KIF1A: variants seen among roughly 807,000 people sequenced by gnomAD.
The protein encoded by KIF1A is kinesin-like protein KIF1A.
A neutral mutation model predicts 227.3 loss-of-function variants in KIF1A; 46 were observed. The ratio of observed to expected loss-of-function variants is 0.20; its 90% CI spans 0.16 to 0.26. The LOEUF (loss-of-function observed/expected upper bound fraction) is 0.26. KIF1A is among the 10% of genes least tolerant of loss of function. The pLI is 1.00. For synonymous variants in KIF1A, 1,022 were observed against 1,012.8 expected (o/e 1.01, Z -0.17); for missense variants, 1,683 against 2,485.9 (o/e 0.68, Z 6.87).
chr2:240,769,565 C>A (rs909904677), intron 16 of KIF1A, 62 bp downstream of exon 16: 63 of 1,420,390 alleles, frequency 4.4e-5, no homozygotes, highest in Non-Finnish European at 5.3e-5. Flanking sequence ...GCTCATCCTG[C>A]CCAGGCTCCG....
At chr2:240,765,526 G>A (rs924370619) in intron 20 of KIF1A, among the ~76,000 whole-genome samples, 184 bp downstream of exon 20, 4 of 152,256 alleles carry the variant, frequency 2.6e-5, no homozygotes, top group Non-Finnish European at 4.4e-5. Flanking sequence ...TGTTCCTGGA[G>A]TTGGGGGACT....
chr2:240,766,745 T>TCACA lies in KIF1A; in HGVS notation c.1684+169_1684+170insTGTG, dbSNP rs1263248431. Reference sequence around the variant, plus strand: ...AAATCTCTCTCTCTCTCTCTCTCTCTCTCTCACACACACACACACACACAC... The same window carrying TCACA: ...AAATCTCTCTCTCTCTCTCTCTCTCTCACACTCTCACACACACACACACACACAC... On this transcript the variant is annotated intron_variant, in intron 19 of 48. Coordinates refer to ENST00000498729, the MANE Select transcript of KIF1A (RefSeq NM_001244008.2). This position sits in a 1 kb window ranked among gnomAD's most constrained non-coding sequence, Gnocchi z 5.0. Among the ~76,000 whole-genome samples, 856 of 126,954 alleles carry TCACA rather than the reference T, an allele frequency of 6.7e-3. 7 individuals carry two copies. The highest frequency in any genetic ancestry group is 9.3e-3 in the Non-Finnish European group (582 of 62,744). 83.3% of individuals were successfully genotyped at this position (126,954 alleles called of 152,430 possible).
intron 28 of KIF1A, chr2:240,748,654 A>C (rs2048872220): frequency 3.3e-6 from 1 of 301,710 alleles, no homozygotes; most frequent in African/African-American, 2.3e-5. Context: ...CAGCCCTGGT[A>C]AACACCCCAC....
intron 1 of KIF1A, chr2:240,798,044 A>C: frequency 3.1e-6 from 1 of 323,062 alleles, no homozygotes. Context: ...CTGAAACCCA[A>C]CAAAAGAAAC....
intron 1 of KIF1A, among the ~76,000 whole-genome samples, chr2:240,807,096 G>A (rs1432979083): frequency 5.3e-5 from 5 of 94,844 alleles, no homozygotes; most frequent in African/African-American, 1.5e-4. Flanking sequence ...GTGTGTGTGT[G>A]TGTGTGTGTG....
chr2:240,807,084 G>GTA (rs2057467611), intron 1 of KIF1A, among the ~76,000 whole-genome samples: 1 of 115,862 alleles, frequency 8.6e-6, no homozygotes, highest in South Asian at 3.1e-4. Flanking sequence ...ATATATGTGT[G>GTA]TGTGTGTGTG....
At chr2:240,732,085 G>A (rs2046728567) in intron 38 of KIF1A, among the ~76,000 whole-genome samples, 1 of 85,898 alleles carries the variant, frequency 1.2e-5, no homozygotes, top group Non-Finnish European at 2.4e-5. Flanking sequence ...GAGGAAGAGG[G>A]GAGGAGGGGA....
rs1164460501 is a variant in KIF1A at position 240,789,627 on chromosome 2, C to T, written c.107-315G>A. Among the ~76,000 whole-genome samples, 1 of 152,206 alleles carries T rather than the reference C, an allele frequency of 6.6e-6. No homozygotes were observed. The highest frequency in any genetic ancestry group is 1.5e-5 in the Non-Finnish European group (1 of 68,018). On this transcript the variant is annotated intron_variant, in intron 2 of 48. Coordinates refer to ENST00000498729, the MANE Select transcript of KIF1A (RefSeq NM_001244008.2). This position sits in a 1 kb window ranked among gnomAD's most constrained non-coding sequence, Gnocchi z 4.8. ...ACCCGGGGAGGATCCTTCCCACCTGCAAGCTGCGGCCCCTCCATCTCTGGT... is the reference window on the plus strand; with the variant it reads ...ACCCGGGGAGGATCCTTCCCACCTGTAAGCTGCGGCCCCTCCATCTCTGGT...
At position 240,789,207 on chromosome 2, in the gene KIF1A, G is replaced by T; in HGVS notation, c.183+29C>A. ...ACATGGCCTATGCACTGCTGCCCCC[G>T]CCTCCCCCGACCCGGGGTCCCGGCT... On this transcript the variant is annotated intron_variant, in intron 3 of 48. Transcript: ENST00000498729. The surrounding 1 kb of genome is among the most constrained non-coding windows in gnomAD (Gnocchi z 4.8). 1.3e-6 allele frequency: 2 copies of T among 1,591,196 alleles called. No individual in the cohort carries two copies. Among genetic ancestry groups the T allele is most frequent in the Non-Finnish European group, 1.7e-6 (2 of 1,159,360 alleles).
rs1385607743 is a variant in KIF1A at position 240,717,065 on chromosome 2, T to TA, written c.*298dup. The TA allele has an allele frequency of 4.8e-6, 2 of 420,696 alleles. No individual in the cohort carries two copies. The highest frequency in any genetic ancestry group is 8.5e-6 in the Non-Finnish European group (2 of 235,448). The allele number at this position is 420,696 out of a possible 1,614,324, so 26.1% of individuals were successfully genotyped here. A position where few individuals can be genotyped will look rare whatever the true frequency, so the allele number is the denominator to read the frequency against. ...TATTAATTATAAGTCTGTCTATGCT[T>TA]AAAAAAATATTAGAACGGCAGCAAG... On this transcript the variant is annotated 3_prime_UTR_variant, in exon 49 of 49. Transcript: ENST00000498729.
rs748888481 is a variant in KIF1A at position 240,752,438 on chromosome 2, G to A, written c.2859-1891C>T. Among the ~76,000 whole-genome samples the A allele has an allele frequency of 9.2e-5, 14 of 152,084 alleles. No individual in the cohort carries two copies. Among genetic ancestry groups the A allele is most frequent in the Non-Finnish European group, 1.6e-4 (11 of 68,010 alleles). On this transcript the variant is annotated intron_variant, in intron 27 of 48. Transcript: ENST00000498729. The surrounding 1 kb of genome is among the most constrained non-coding windows in gnomAD (Gnocchi z 6.4). ...ACCAGCATCCCCTTGGGAGGGGGACGGCAATGCCTTCCCTCCCCAGGGCAC... is the reference window on the plus strand; with the variant it reads ...ACCAGCATCCCCTTGGGAGGGGGACAGCAATGCCTTCCCTCCCCAGGGCAC...
intron 27 of KIF1A, among the ~76,000 whole-genome samples, chr2:240,753,364 C>T (rs2049447328): frequency 1.3e-5 from 2 of 152,206 alleles, no homozygotes; most frequent in South Asian, 4.1e-4. Flanking sequence ...CTGGCTCTCT[C>T]CACAAGGGCT....
intron 7 of KIF1A, among the ~76,000 whole-genome samples, chr2:240,784,600 G>A (rs749457923): frequency 3.9e-5 from 6 of 152,192 alleles, no homozygotes; most frequent in Non-Finnish European, 5.9e-5. Flanking sequence ...CTGCCTGAGC[G>A]AGCCCCCAAC....
At chr2:240,722,700 G>A (rs573769915) in intron 42 of KIF1A, 44 bp from the exon 43 acceptor site, 2 of 1,426,136 alleles carry the variant, frequency 1.4e-6, no homozygotes, top group Admixed American at 2.6e-5. Flanking sequence ...CCTCAGGGGT[G>A]ACCTCCGGAG....
chr2:240,787,738 C>A (rs894953351), intron 4 of KIF1A, among the ~76,000 whole-genome samples: 3 of 152,196 alleles, frequency 2.0e-5, no homozygotes, highest in African/African-American at 7.2e-5. Flanking sequence ...TCTGCCCACA[C>A]TGCCAGCCCT....
In KIF1A at chr2:240,820,055, G is replaced by C. The variant is rs1043291937; in HGVS notation, c.-61+67C>G. 1 of 151,516 alleles carries C rather than the reference G, an allele frequency of 6.6e-6. No homozygotes were observed. The highest frequency in any genetic ancestry group is 2.4e-5 in the African/African-American group (1 of 41,130). 9.4% of individuals were successfully genotyped at this position (151,516 alleles called of 1,614,324 possible). A position where few individuals can be genotyped will look rare whatever the true frequency, so the allele number is the denominator to read the frequency against. On this transcript the variant is annotated intron_variant, in intron 1 of 48. Transcript: ENST00000498729. The surrounding 1 kb of genome is among the most constrained non-coding windows in gnomAD (Gnocchi z 6.2). ...GGGTGCAGGTGCGGGCTGCGGGCGC[G>C]GGCTGCCGGGCGCAGGTGCGGGGCG...
rs774306017 is a variant in KIF1A at position 240,774,152 on chromosome 2, G to A, written c.1037+31C>T. The A allele has an allele frequency of 3.5e-6, 5 of 1,424,766 alleles. No individual in the cohort carries two copies. The Admixed American group carries it at 7.0e-5, about 20-fold the overall frequency. 88.3% of individuals were successfully genotyped at this position (1,424,766 alleles called of 1,614,324 possible). A position where few individuals can be genotyped will look rare whatever the true frequency, so the allele number is the denominator to read the frequency against. On this transcript the variant is annotated intron_variant, in intron 12 of 48. Transcript: ENST00000498729. The stretch of plus-strand genomic sequence containing the variant: ...TCCATCCCCCAAGACCAGGGAGCGG[G>A]AAGCAGAGCTTGTCTCCCTGGAGAA...
At chr2:240,771,154 G>T (rs769025289) in intron 14 of KIF1A, 50 bp from the exon 15 acceptor site, 1 of 1,611,792 alleles carries the variant, frequency 6.2e-7, no homozygotes, top group Non-Finnish European at 8.5e-7. Context: ...CACGGTTAAG[G>T]TTATTGTTCT....
At chr2:240,804,031 G>C (rs2057189864) in intron 1 of KIF1A, among the ~76,000 whole-genome samples, 1 of 152,202 alleles carries the variant, frequency 6.6e-6, no homozygotes, top group East Asian at 1.9e-4. Flanking sequence ...ACTTTGGAAG[G>C]CCGAGGTGGG....
Sources: gnomAD v4.1 joint callset for allele counts (sites outside exome capture counted in the v4.1 genomes callset) on GRCh38, gnomAD v4.1.1 for gene constraint, Gnocchi (gnomAD v3.1) non-coding constraint, MANE v1.5 for transcripts, NCBI Gene and HGNC (gene_info 2026-07-23, HGNC 2026-07-21) for gene names.